RARB: variants seen among roughly 807,000 people sequenced by gnomAD.
RARB encodes the protein HBV-activated protein.
RARB carries 17 observed loss-of-function variants against 51.9 expected under a neutral mutation model. The observed-to-expected ratio is 0.33, with a 90% confidence interval of 0.22 to 0.49. RARB has a LOEUF of 0.49. RARB is among the 20% of genes least tolerant of loss of function. The pLI is 0.99. For synonymous variants in RARB, 215 were observed against 195.4 expected (o/e 1.10, Z -0.84); for missense variants, 369 against 550.8 (o/e 0.67, Z 3.30).
At chr3:25,219,472 T>G (rs1385204601) in intron 5 of RARB, among the ~76,000 whole-genome samples, 1 of 152,176 alleles carries the variant, frequency 6.6e-6, no homozygotes, top group African/African-American at 2.4e-5. Context: ...CTTATTGTTG[T>G]GGTCAAAAAT....
chr3:24,907,926 G>C (rs1213752283), intron 2 of RARB, among the ~76,000 whole-genome samples: 5 of 152,032 alleles, frequency 3.3e-5, no homozygotes, highest in African/African-American at 1.2e-4. Context: ...TTAGGGACAA[G>C]TGGTCCAAGG....
intron 2 of RARB, among the ~76,000 whole-genome samples, chr3:24,926,021 T>C (rs1411947286): frequency 6.6e-6 from 1 of 152,152 alleles, no homozygotes; most frequent in Non-Finnish European, 1.5e-5. Flanking sequence ...GATCTGAGAA[T>C]ACTTCCTTGC....
chr3:24,898,123 G>C (rs529875782), intron 2 of RARB, among the ~76,000 whole-genome samples: 24 of 152,106 alleles, frequency 1.6e-4, no homozygotes, highest in African/African-American at 5.1e-4. Flanking sequence ...AGTCAAGCCC[G>C]GAGTTTGAGT....
chr3:25,582,911 C>T (rs1402111155), intron 5 of RARB, among the ~76,000 whole-genome samples: 1 of 152,156 alleles, frequency 6.6e-6, no homozygotes, highest in Admixed American at 6.5e-5. Flanking sequence ...GGATTAAATA[C>T]ATTAACAGCT....
chr3:25,511,818 GA>G (rs1387493187), intron 3 of RARB, among the ~76,000 whole-genome samples: 1 of 152,142 alleles, frequency 6.6e-6, no homozygotes, highest in Non-Finnish European at 1.5e-5. Context: ...GGATGGGAAG[GA>G]GGGTCTTGCT....
intron 4 of RARB, among the ~76,000 whole-genome samples, chr3:25,134,584 C>T (rs1189393050): frequency 6.6e-6 from 1 of 151,912 alleles, no homozygotes; most frequent in East Asian, 1.9e-4. Context: ...TAACGTGATA[C>T]TATCATATGT....
intron 2 of RARB, among the ~76,000 whole-genome samples, chr3:24,909,758 T>C (rs1694948714): frequency 6.6e-6 from 1 of 152,170 alleles, no homozygotes; most frequent in African/African-American, 2.4e-5. Context: ...TTACAAAGTA[T>C]GTAACCTGAG....
chr3:25,191,966 C>G (rs1055029378), intron 5 of RARB, among the ~76,000 whole-genome samples: 21 of 152,064 alleles, frequency 1.4e-4, no homozygotes, highest in Non-Finnish European at 7.4e-5. Context: ...TAGGGGAAGA[C>G]AGTGAGTGTT....
intron 5 of RARB, among the ~76,000 whole-genome samples, chr3:25,191,416 T>G (rs1212724758): frequency 6.6e-6 from 1 of 152,112 alleles, no homozygotes; most frequent in Non-Finnish European, 1.5e-5. Context: ...ATCCCTCCCA[T>G]GAAATTGTCC....
chr3:25,115,170 C>T (rs1182532837), intron 3 of RARB, among the ~76,000 whole-genome samples: 1 of 152,122 alleles, frequency 6.6e-6, no homozygotes. Flanking sequence ...TCCCCAGAAC[C>T]TTCTTAGCTA....
intron 5 of RARB, among the ~76,000 whole-genome samples, chr3:25,358,286 A>T (rs1705815212): frequency 1.3e-5 from 2 of 151,982 alleles, no homozygotes. Context: ...CCGTTTCTCT[A>T]TTATTGGTGT....
intron 5 of RARB, among the ~76,000 whole-genome samples, chr3:25,591,259 C>A (rs913000244): frequency 8.5e-5 from 13 of 152,168 alleles, no homozygotes; most frequent in African/African-American, 3.1e-4. Flanking sequence ...AGGACATGTC[C>A]TGATTTAGAT....
At position 24,871,824 on chromosome 3, in the gene RARB, T is replaced by C. The variant is rs185213744; in HGVS notation, c.-380+13072T>C. Reference sequence around the variant, plus strand: ...TCCTTAAACTAATCAGAACAAAACCTTGGGATTATTCTATACTCCTTTTTC... The same window carrying C: ...TCCTTAAACTAATCAGAACAAAACCCTGGGATTATTCTATACTCCTTTTTC... On this transcript the variant is annotated intron_variant, in intron 2 of 11. Coordinates refer to the RARB transcript ENST00000383772. 6.8e-4 allele frequency among the ~76,000 whole-genome samples: 103 copies of C among 152,340 alleles called. 1 individual carries two copies. The highest frequency in any genetic ancestry group is 6.8e-3 in the Middle Eastern group (2 of 294).
intron 2 of RARB, among the ~76,000 whole-genome samples, chr3:25,006,432 A>C (rs1013171436): frequency 1.3e-5 from 2 of 152,168 alleles, no homozygotes; most frequent in African/African-American, 4.8e-5. Context: ...CTTTCAAATA[A>C]AGAAAACTAC....
chr3:25,508,577 C>G (rs1263039062), intron 3 of RARB, among the ~76,000 whole-genome samples: 1 of 152,144 alleles, frequency 6.6e-6, no homozygotes, highest in East Asian at 1.9e-4. Context: ...ACATAAAAAT[C>G]ATCATCAGGG....
At chr3:24,832,069 T>C (rs898314237) in intron 1 of RARB, among the ~76,000 whole-genome samples, 5 of 152,192 alleles carry the variant, frequency 3.3e-5, no homozygotes, top group African/African-American at 9.6e-5. Context: ...GTATTGTGCA[T>C]TGTTTTAACC....
intron 5 of RARB, among the ~76,000 whole-genome samples, chr3:25,185,974 T>G (rs955582717): frequency 6.6e-6 from 1 of 152,090 alleles, no homozygotes; most frequent in Non-Finnish European, 1.5e-5. Flanking sequence ...AAAACAGAGT[T>G]GTATGTCCAG....
At chr3:25,081,214 C>A (rs1031293830) in intron 3 of RARB, among the ~76,000 whole-genome samples, 3 of 151,866 alleles carry the variant, frequency 2.0e-5, no homozygotes, top group Non-Finnish European at 4.4e-5. Flanking sequence ...AAATATGTTG[C>A]TAATTTTCAA....
intron 1 of RARB, among the ~76,000 whole-genome samples, chr3:24,832,628 AATATATATAT>A (rs10526610): frequency 4.5e-5 from 4 of 88,456 alleles, no homozygotes; most frequent in Admixed American, 1.3e-4. Flanking sequence ...ATTGAGTCCC[AATATATATAT>A]ATATATATAT....
Sources: gnomAD v4.1 joint callset for allele counts (sites outside exome capture counted in the v4.1 genomes callset) on GRCh38, gnomAD v4.1.1 for gene constraint, MANE v1.5 for transcripts, NCBI Gene and HGNC (gene_info 2026-07-23, HGNC 2026-07-21) for gene names.